The following FAM110B variants were observed in gnomAD, a reference collection of about 807,000 sequenced individuals.
FAM110B encodes protein FAM110B.
FAM110B carries 6 observed loss-of-function variants against 20.4 expected under a neutral mutation model. That is an observed-to-expected ratio of 0.29 (90% CI 0.16 to 0.58). The LOEUF is 0.58. Ranked by LOEUF, FAM110B falls within the 20% of genes least tolerant of loss-of-function variation. The probability of loss-of-function intolerance (pLI) is 0.90; values close to 1 mark genes in which losing one functional copy is unlikely to be tolerated. For missense variants in FAM110B, 434 were observed against 498.2 expected, an observed-to-expected ratio of 0.87 and a Z score of 1.23; for synonymous variants, 226 against 214.1, an observed-to-expected ratio of 1.06 and a Z score of -0.49.
chr8:58,016,478 A>C (rs73681729), intron 1 of FAM110B, among the ~76,000 whole-genome samples: 2,698 of 152,258 alleles, frequency 0.018, 89 homozygotes, highest in African/African-American at 0.059. Flanking sequence ...CAGCTCTTTG[A>C]CTGGAGAGTT....
intron 3 of FAM110B, among the ~76,000 whole-genome samples, chr8:58,110,367 T>G (rs952210492): frequency 6.6e-6 from 1 of 152,198 alleles, no homozygotes; most frequent in African/African-American, 2.4e-5. Context: ...TTCTGCATTT[T>G]AAATTGTACA....
At chr8:58,132,660 G>C (rs1803504235) in intron 3 of FAM110B, among the ~76,000 whole-genome samples, 2 of 152,166 alleles carry the variant, frequency 1.3e-5, no homozygotes, top group African/African-American at 2.4e-5. Flanking sequence ...ACCCTGCCTG[G>C]CATGAGGTCT....
chr8:58,146,223 C>G lies in FAM110B; in HGVS notation c.-8C>G, dbSNP rs200275707. ...TCCAACACGGCTGCCGGGGAAAGAC[C>G]GCCCACCATGCCCACGGAGACCCTA... is the stretch of plus-strand genomic sequence containing the variant. On this transcript the variant is annotated 5_prime_UTR_variant, in exon 4 of 4. Transcript: ENST00000519262. 2 of 1,583,476 alleles carry G rather than the reference C, an allele frequency of 1.3e-6. No individual in the cohort carries two copies. Among genetic ancestry groups the G allele is most frequent in the Admixed American group, 1.7e-5 (1 of 57,726 alleles).
rs147082161 is a variant in FAM110B at position 58,034,371 on chromosome 8, G to T, written c.-414+2668G>T. ...GCTGGATTTATCAGCTGACTTATGGGTCGGAAGGTCTGGCTCTGCCCAAAC... is the reference window on the plus strand; with the variant it reads ...GCTGGATTTATCAGCTGACTTATGGTTCGGAAGGTCTGGCTCTGCCCAAAC... On this transcript the variant is annotated intron_variant, in intron 2 of 3. Coordinates refer to ENST00000519262, the MANE Select transcript of FAM110B (RefSeq NM_001377989.1). 4.6e-3 allele frequency among the ~76,000 whole-genome samples: 703 copies of T among 152,292 alleles called. 5 individuals are homozygous for T. The highest frequency in any genetic ancestry group is 0.014 in the Middle Eastern group (4 of 294).
chr8:58,048,001 T>G (rs1329255240), intron 2 of FAM110B, among the ~76,000 whole-genome samples: 1 of 152,192 alleles, frequency 6.6e-6, no homozygotes, highest in Non-Finnish European at 1.5e-5. Flanking sequence ...ATGATTTACA[T>G]CTGAAGGTTA....
intron 1 of FAM110B, among the ~76,000 whole-genome samples, chr8:58,007,808 ATTTTGT>A (rs1391204999): frequency 2.2e-3 from 334 of 152,304 alleles, no homozygotes; most frequent in African/African-American, 7.7e-3. Flanking sequence ...AGTTTACAGA[ATTTTGT>A]TATAGAAGCC....
In FAM110B at chr8:58,146,367, A is replaced by G. The variant is rs747760336; in HGVS notation, c.137A>G (p.Lys46Arg). ...CGCAGGCAGGCCGAGCCCAACCCCA[A>G]GAGGCTCAGCGCCGTGGAGAGGCTG... ...YFRRQAEPNP[K>R]RLSAVERLEA... The change falls in exon 4 of 4, where the codon AAG becomes AGG. Residue 46 changes from lysine to arginine, a missense_variant. By Grantham distance (26) the Lys-to-Arg change is conservative (BLOSUM62 2). Around this residue, in one of 3 missense-constraint regions of FAM110B, gnomAD observed 56 missense variants for 82.1 expected, o/e 0.68. Coordinates refer to ENST00000519262, the MANE Select transcript of FAM110B (RefSeq NM_001377989.1). 6.2e-7 allele frequency: 1 copy of G among 1,614,070 alleles called. No individual in the cohort carries two copies. The highest frequency in any genetic ancestry group is 2.2e-5 in the East Asian group (1 of 44,860).
At chr8:58,108,319 G>C (rs1179859556) in intron 3 of FAM110B, among the ~76,000 whole-genome samples, 1 of 152,164 alleles carries the variant, frequency 6.6e-6, no homozygotes, top group African/African-American at 2.4e-5. Flanking sequence ...TATGAACAAG[G>C]GCAATTTCAA....
At chr8:58,135,266 CATT>C (rs1803583204) in intron 3 of FAM110B, among the ~76,000 whole-genome samples, 2 of 152,224 alleles carry the variant, frequency 1.3e-5, no homozygotes, top group South Asian at 4.1e-4. Flanking sequence ...GTGTGAAAGG[CATT>C]ATTACAGTTC....
chr8:58,046,964 A>G (rs1252203340), intron 2 of FAM110B, among the ~76,000 whole-genome samples: 5 of 152,212 alleles, frequency 3.3e-5, no homozygotes, highest in Admixed American at 6.5e-5. Context: ...TGAGAATCCT[A>G]TGAAATATAT....
At chr8:58,076,965 C>T (rs1251345936) in intron 3 of FAM110B, among the ~76,000 whole-genome samples, 3 of 152,136 alleles carry the variant, frequency 2.0e-5, no homozygotes, top group Admixed American at 1.3e-4. Context: ...TTTCTAGAAC[C>T]TAAGAATCTA....
rs191116790 is a variant in FAM110B, at chr8:58,086,361, A to G, written c.-325+10738A>G. Among the ~76,000 whole-genome samples, 16 of 152,350 alleles carry G rather than the reference A, an allele frequency of 1.1e-4. No homozygotes were observed. The East Asian group carries it at 3.1e-3, about 29-fold the overall frequency. On this transcript the variant is annotated intron_variant, in intron 3 of 3. Coordinates refer to ENST00000519262, the MANE Select transcript of FAM110B (RefSeq NM_001377989.1). ...ATCGCTTGAAGACATTTTATGCCAA[A>G]TCTGCAACAATTTTGAATTTCTTAT...
At chr8:58,020,568 C>A (rs975345552) in intron 1 of FAM110B, among the ~76,000 whole-genome samples, 1 of 152,128 alleles carries the variant, frequency 6.6e-6, no homozygotes, top group Non-Finnish European at 1.5e-5. Flanking sequence ...AAAAACAAGT[C>A]CGTGTTAGTA....
chr8:58,078,476 A>T (rs1287543889), intron 3 of FAM110B, among the ~76,000 whole-genome samples: 1 of 151,784 alleles, frequency 6.6e-6, no homozygotes, highest in Non-Finnish European at 1.5e-5. Flanking sequence ...TCTTATTCAA[A>T]CTTAAGTAAT....
intron 2 of FAM110B, among the ~76,000 whole-genome samples, chr8:58,075,268 T>TG (rs61258231): frequency 0.017 from 2,383 of 142,938 alleles, 64 homozygotes; most frequent in African/African-American, 0.062. Context: ...TTTGCTTTTT[T>TG]TTTTTTTTGT....
At chr8:58,000,268 T>A (rs1458440807) in intron 1 of FAM110B, among the ~76,000 whole-genome samples, 1 of 152,042 alleles carries the variant, frequency 6.6e-6, no homozygotes, top group African/African-American at 2.4e-5. Flanking sequence ...TCCATTTAGT[T>A]TGAGTATAGG....
chr8:58,032,208 G>A (rs1256618187), intron 2 of FAM110B: 1 of 152,210 alleles, frequency 6.6e-6, no homozygotes, highest in Non-Finnish European at 1.5e-5. Context: ...TGAACACTCA[G>A]TGGACATTTA....
Position 58,146,762 on chromosome 8 carries a change from G to A in FAM110B, c.532G>A (p.Gly178Ser), listed in dbSNP as rs1803877230. 1 of 1,611,860 alleles carries A rather than the reference G, an allele frequency of 6.2e-7. No individual in the cohort carries two copies. Among genetic ancestry groups the A allele is most frequent in the South Asian group, 1.1e-5 (1 of 90,906 alleles). Residue 178 changes from glycine (G) to serine (S), a missense_variant, in exon 4 of 4, where the codon GGC (glycine) becomes AGC (serine). By Grantham distance (56) the Gly-to-Ser change is moderately conservative. Transcript: ENST00000519262. ...GGGCCGCAGGAGCCCGCAGGAGGGC[G>A]GCTCCCACGTGGGCAGGAGACTGCT... ...TQGRRSPQEG[G>S]SHVGRRLLEQ...
At chr8:58,137,110 T>C (rs764922756) in intron 3 of FAM110B, among the ~76,000 whole-genome samples, 1 of 152,262 alleles carries the variant, frequency 6.6e-6, no homozygotes, top group Non-Finnish European at 1.5e-5. Context: ...AGAAACTGCA[T>C]GGTCAATCCT....
Sources: allele counts gnomAD v4.1 joint callset (sites outside exome capture counted in the v4.1 genomes callset), GRCh38; gene constraint gnomAD v4.1.1; regional missense constraint gnomAD v4.1.1; transcripts MANE v1.5; gene names NCBI Gene and HGNC (gene_info 2026-07-23, HGNC 2026-07-21).